ST3GAL6: variants seen among roughly 807,000 people sequenced by gnomAD.
ST3GAL6 encodes ST3 beta-galactoside alpha-2,3-sialyltransferase 6.
Under a neutral mutation model 40.5 loss-of-function variants are expected in ST3GAL6, and 31 were observed. That is an observed-to-expected ratio of 0.77 (90% CI 0.58 to 1.03). ST3GAL6 has a LOEUF of 1.03. ST3GAL6 is among the 50% of genes least tolerant of loss of function. The probability of loss-of-function intolerance (pLI) is 0.00; values close to 1 mark genes in which losing one functional copy is unlikely to be tolerated. For synonymous variants in ST3GAL6, 129 were observed against 136.9 expected, an observed-to-expected ratio of 0.94 and a Z score of 0.40; for missense variants, 357 against 393.2, an observed-to-expected ratio of 0.91 and a Z score of 0.78.
upstream of ST3GAL6, among the ~76,000 whole-genome samples, chr3:98,760,504 A>C (rs1300147874): frequency 6.6e-6 from 1 of 152,226 alleles, no homozygotes; most frequent in Non-Finnish European, 1.5e-5. Context: ...CCTAAAGTCG[A>C]GTACGTACAC....
intron 1 of ST3GAL6, among the ~76,000 whole-genome samples, chr3:98,740,051 G>A (rs1935930322): frequency 6.6e-6 from 1 of 152,070 alleles, no homozygotes; most frequent in Non-Finnish European, 1.5e-5. Flanking sequence ...AAGTGATTTA[G>A]CTAATTATTA....
chr3:98,776,051 C>T (rs965625013), intron 5 of ST3GAL6, among the ~76,000 whole-genome samples: 4 of 152,150 alleles, frequency 2.6e-5, no homozygotes, highest in African/African-American at 7.2e-5. Context: ...GTTGTGTGTT[C>T]GACCTGGGCA....
chr3:98,756,411 A>AT (rs769114299), intron 1 of ST3GAL6: 64 of 1,288,370 alleles, frequency 5.0e-5, no homozygotes, highest in Non-Finnish European at 6.1e-5. Flanking sequence ...GTTTTAGATA[A>AT]TTTCTAACAG....
At chr3:98,732,755 CCCT>C in intron 1 of ST3GAL6, 1 of 1,144,356 alleles carries the variant, frequency 8.7e-7, no homozygotes, top group Non-Finnish European at 1.2e-6. Context: ...CAGGGCTGCT[CCCT>C]CCTCTGCTCC....
intron 5 of ST3GAL6, among the ~76,000 whole-genome samples, chr3:98,777,238 C>T (rs1489113662): frequency 2.0e-5 from 3 of 152,198 alleles, no homozygotes; most frequent in Non-Finnish European, 4.4e-5. Flanking sequence ...TCCTTACCTC[C>T]AATGATGTGC....
At position 98,793,867 on chromosome 3, in the gene ST3GAL6, G is replaced by A; in HGVS notation, c.*106G>A. ...CACTCGTCAAATAATTATGTATACT[G>A]TCTGTTGCTGCCTGGTGATTCATAA... On this transcript the variant is annotated 3_prime_UTR_variant, in exon 10 of 10. Transcript: ENST00000483910. The A allele has an allele frequency of 1.8e-6, 1 of 549,574 alleles. No individual in the cohort carries two copies. The highest frequency in any genetic ancestry group is 3.0e-6 in the Non-Finnish European group (1 of 329,458). The allele number at this position is 549,574 out of a possible 1,614,324, so 34.0% of individuals were successfully genotyped here.
chr3:98,754,232 C>G (rs1379589126), intron 1 of ST3GAL6, among the ~76,000 whole-genome samples: 1 of 152,076 alleles, frequency 6.6e-6, no homozygotes, highest in Non-Finnish European at 1.5e-5. Flanking sequence ...TATGGGAGGT[C>G]AAAATATCCA....
At chr3:98,778,249 G>A (rs1939736790) in intron 5 of ST3GAL6, among the ~76,000 whole-genome samples, 1 of 152,184 alleles carries the variant, frequency 6.6e-6, no homozygotes, top group Non-Finnish European at 1.5e-5. Flanking sequence ...AAGCTGCCTG[G>A]TTGCTCTCTC....
At chr3:98,763,217 G>T, upstream of ST3GAL6, 8 of 1,214,368 alleles carry the variant, frequency 6.6e-6, no homozygotes, top group African/African-American at 1.6e-5. Flanking sequence ...TTCTGTTGTA[G>T]ATTTGCTCAT....
At chr3:98,781,102 A>T (rs1940069244) in intron 5 of ST3GAL6, among the ~76,000 whole-genome samples, 2 of 152,218 alleles carry the variant, frequency 1.3e-5, no homozygotes, top group South Asian at 2.1e-4. Flanking sequence ...TGATAGATTG[A>T]ATAAAGAAAA....
chr3:98,755,295 C>T (rs1157049103), intron 1 of ST3GAL6, among the ~76,000 whole-genome samples: 1 of 152,152 alleles, frequency 6.6e-6, no homozygotes, highest in Non-Finnish European at 1.5e-5. Context: ...ATCCACCTGC[C>T]TCAGCCTCCC....
At chr3:98,739,719 A>G (rs1331620895) in intron 1 of ST3GAL6, among the ~76,000 whole-genome samples, 2 of 152,220 alleles carry the variant, frequency 1.3e-5, no homozygotes, top group African/African-American at 4.8e-5. Context: ...GGGCCAAAGA[A>G]TAAAAGGAGA....
intron 5 of ST3GAL6, among the ~76,000 whole-genome samples, chr3:98,774,215 C>T (rs1939297711): frequency 1.3e-5 from 2 of 152,180 alleles, no homozygotes; most frequent in Admixed American, 1.3e-4. Flanking sequence ...CAACACTGGT[C>T]CCAAATCAGG....
Position 98,773,984 on chromosome 3 carries a change from G to A in ST3GAL6, c.335+1G>A, listed in dbSNP as rs781207971. 2 of 1,611,670 alleles carry A rather than the reference G, an allele frequency of 1.2e-6. No homozygotes were observed. Among genetic ancestry groups the A allele is most frequent in the South Asian group, 2.2e-5 (2 of 90,816 alleles). On this transcript the variant is annotated splice_donor_variant, in intron 5 of 9. Coordinates refer to ENST00000483910, the MANE Select transcript of ST3GAL6 (RefSeq NM_001323368.2). LOFTEE classifies it high-confidence loss of function. Reference sequence around the variant, plus strand: ...GTGATCTCTTTGATGAGTTTGACAAGTGAGTTTATTTCCTTGCTTCTAGTC... The same window carrying A: ...GTGATCTCTTTGATGAGTTTGACAAATGAGTTTATTTCCTTGCTTCTAGTC...
intron 4 of ST3GAL6, chr3:98,773,623 C>G (rs1255481952): frequency 4.6e-6 from 1 of 218,250 alleles, no homozygotes; most frequent in East Asian, 9.1e-5. Context: ...CTTACTATTT[C>G]TATTCTAACA....
intron 1 of ST3GAL6, among the ~76,000 whole-genome samples, chr3:98,743,884 G>A (rs568749018): frequency 6.6e-6 from 1 of 152,012 alleles, no homozygotes; most frequent in East Asian, 1.9e-4. Flanking sequence ...GGTGTAATTG[G>A]TTCAGTTGTG....
At chr3:98,743,446 A>G (rs888750228) in intron 1 of ST3GAL6, among the ~76,000 whole-genome samples, 6 of 151,978 alleles carry the variant, frequency 3.9e-5, no homozygotes, top group African/African-American at 1.5e-4. Flanking sequence ...TGAGCTGCCA[A>G]CTCCTGGCTG....
rs1438935328 is a variant in ST3GAL6, at chr3:98,788,111, A to G, written c.507A>G (p.Glu169=). Residue 169 remains glutamate (E), a synonymous_variant, in exon 7 of 10, where the codon GAA becomes GAG. Transcript: ENST00000483910. ...RRTTFRLFYP[E]SVFSDPIHND... is the part of the protein sequence containing the mutation. ...CAACCTTCCGACTTTTTTATCCAGAATCTGTTTTTTCAGATCCTATTCACA... is the reference window on the plus strand; with the variant it reads ...CAACCTTCCGACTTTTTTATCCAGAGTCTGTTTTTTCAGATCCTATTCACA... The G allele has an allele frequency of 6.2e-7, 1 of 1,613,908 alleles. No individual in the cohort carries two copies. Among genetic ancestry groups the G allele is most frequent in the East Asian group, 2.2e-5 (1 of 44,864 alleles).
At chr3:98,750,612 C>A (rs1463920381) in intron 1 of ST3GAL6, among the ~76,000 whole-genome samples, 1 of 151,002 alleles carries the variant, frequency 6.6e-6, no homozygotes, top group Non-Finnish European at 1.5e-5. Context: ...ATGCAGATAA[C>A]CAGGCCCTGC....
Sources: allele counts gnomAD v4.1 joint callset (sites outside exome capture counted in the v4.1 genomes callset), GRCh38; gene constraint gnomAD v4.1.1; transcripts MANE v1.5; gene names NCBI Gene and HGNC (gene_info 2026-07-23, HGNC 2026-07-21).